The following LPCAT3 variants were observed in gnomAD, a reference collection of about 807,000 sequenced individuals.
The protein encoded by LPCAT3 is lysophosphatidylcholine acyltransferase 3.
Under a neutral mutation model 63.4 loss-of-function variants are expected in LPCAT3, and 21 were observed. That is an observed-to-expected ratio of 0.33 (90% confidence interval 0.23 to 0.48). The LOEUF is 0.48. LPCAT3 is among the 20% of genes least tolerant of loss of function. The pLI is 0.99. For missense variants in LPCAT3, 451 were observed against 590.6 expected (o/e 0.76, Z 2.45); for synonymous variants, 242 against 227.5 (o/e 1.06, Z -0.58).
intron 1 of LPCAT3, among the ~76,000 whole-genome samples, chr12:6,991,232 C>T (rs1166773152): frequency 4.6e-5 from 7 of 152,110 alleles, no homozygotes; most frequent in Non-Finnish European, 1.0e-4. Flanking sequence ...GAAAATCTGG[C>T]TTTACACAGA....
Position 6,983,454 on chromosome 12 carries a change from G to A in LPCAT3, c.237C>T (p.Leu79=). The A allele has an allele frequency of 2.5e-6, 4 of 1,608,486 alleles. No individual in the cohort carries two copies. The highest frequency in any genetic ancestry group is 3.4e-6 in the Non-Finnish European group (4 of 1,175,674). The change falls in exon 2 of 13, where the codon CTC becomes CTT. Residue 79 remains leucine, a synonymous_variant. Transcript: ENST00000261407. ...CACCAAAGTTAAAATAAGCAATTGA[G>A]AGGCCTGTAAAGGTATGGAAGAGGT... ...LIHLFHTFTG[L]SIAYFNFGNQ...
At position 6,979,006 on chromosome 12, in the gene LPCAT3, G is replaced by A. The variant is rs113328686; in HGVS notation, c.787-317C>T. ...GTTAAGTACAGAGGGGCCCATATTGGATTTTAATTTAAGGAGAGAAACCTG... is the reference window on the plus strand; with the variant it reads ...GTTAAGTACAGAGGGGCCCATATTGAATTTTAATTTAAGGAGAGAAACCTG... On this transcript the variant is annotated intron_variant, in intron 7 of 12. Transcript: ENST00000261407. 1.1e-3 allele frequency: 365 copies of A among 325,358 alleles called. 3 individuals carry two copies. Among genetic ancestry groups the A allele is most frequent in the African/African-American group, 6.8e-3 (319 of 46,860 alleles). 20.2% of individuals were successfully genotyped at this position (325,358 alleles called of 1,614,324 possible).
chr12:6,978,112 T>C (rs1946429736), intron 9 of LPCAT3: 2 of 578,480 alleles, frequency 3.5e-6, no homozygotes, highest in African/African-American at 1.9e-5. Context: ...AGAGCTGGAG[T>C]AACACCCAGG....
intron 9 of LPCAT3, 55 bp downstream of exon 9, chr12:6,978,286 T>C (rs1946432384): frequency 5.1e-6 from 8 of 1,556,970 alleles, no homozygotes; most frequent in Non-Finnish European, 7.0e-6. Flanking sequence ...CCCTCCAATC[T>C]GGGAAGACAG....
chr12:6,983,492 T>C lies in LPCAT3; in HGVS notation c.199A>G (p.Thr67Ala), dbSNP rs1591547858. 6.2e-7 allele frequency: 1 copy of C among 1,613,238 alleles called. No individual in the cohort carries two copies. The highest frequency in any genetic ancestry group is 2.2e-5 in the East Asian group (1 of 44,876). Residue 67 changes from threonine to alanine, a missense_variant, in exon 2 of 13, where the codon ACC becomes GCC. Physicochemically the swap from Thr to Ala is moderately conservative, Grantham distance 58. Transcript: ENST00000261407. The part of the protein sequence containing the change: ...FYRHYLFYKE[T>A]YLIHLFHTFT... Reference sequence around the variant, plus strand: ...GTATGGAAGAGGTGGATGAGGTAGGTCTCCTTGTAGAAAAGGTAATGCCGA... The same window carrying C: ...GTATGGAAGAGGTGGATGAGGTAGGCCTCCTTGTAGAAAAGGTAATGCCGA...
chr12:7,018,372 A>T lies in LPCAT3; in HGVS notation c.53T>A (p.Val18Asp). 6.2e-7 allele frequency: 1 copy of T among 1,610,352 alleles called. No homozygotes were observed. The highest frequency in any genetic ancestry group is 1.3e-5 in the African/African-American group (1 of 74,976). The stretch of plus-strand genomic sequence containing the variant: ...CAGCTCCTGGAAACCCGACTGCAGA[A>T]CCCCCGCCAGCGCCACCACAGTCCC... ...DEGTVVALAG[V>D]LQSGFQELSL... The change falls in exon 1 of 13, where the codon GTT (valine) becomes GAT (aspartate). Residue 18 changes from valine to aspartate, a missense_variant. By Grantham distance (152) the Val-to-Asp change is radical. This residue lies in a region of LPCAT3 where 133 missense variants were observed against 152.1 expected (regional missense o/e 0.87). Coordinates refer to ENST00000261407, the MANE Select transcript of LPCAT3 (RefSeq NM_005768.6). This position sits in a 1 kb window ranked among gnomAD's most constrained non-coding sequence, Gnocchi z 4.9.
At chr12:7,015,456 A>C (rs1946791708) in intron 1 of LPCAT3, among the ~76,000 whole-genome samples, 1 of 152,252 alleles carries the variant, frequency 6.6e-6, no homozygotes, top group South Asian at 2.1e-4. Flanking sequence ...TTTCTAGGTT[A>C]CAATACACAG....
intron 2 of LPCAT3, chr12:6,983,223 C>A (rs2138334604): frequency 2.0e-6 from 1 of 494,870 alleles, no homozygotes; most frequent in African/African-American, 2.0e-5. Flanking sequence ...CAAGGGTAAC[C>A]ACCCTCAAAA....
chr12:6,981,471 A>AT, intron 5 of LPCAT3, 124 bp downstream of exon 5: 1 of 971,822 alleles, frequency 1.0e-6, no homozygotes, highest in East Asian at 2.4e-5. Context: ...TGAAAGGGAG[A>AT]TTGCACAGGC....
chr12:6,981,731 A>AGGGGGGGGGGGG, intron 4 of LPCAT3, 80 bp downstream of exon 4: 1 of 210,736 alleles, frequency 4.7e-6, no homozygotes, highest in Non-Finnish European at 8.8e-6. Context: ...CGGGGGGCGG[A>AGGGGGGGGGGGG]GGGGGGGTGC....
At chr12:7,004,120 G>T (rs1417229203) in intron 1 of LPCAT3, among the ~76,000 whole-genome samples, 1 of 152,010 alleles carries the variant, frequency 6.6e-6, no homozygotes, top group Non-Finnish European at 1.5e-5. Flanking sequence ...TAGAAAACCC[G>T]TTTTATGGCT....
Position 6,977,073 on chromosome 12 carries a change from T to C in LPCAT3, c.*12+61A>G. 1 of 1,041,560 alleles carries C rather than the reference T, an allele frequency of 9.6e-7. No homozygotes were observed. Among genetic ancestry groups the C allele is most frequent in the Non-Finnish European group, 1.5e-6 (1 of 670,360 alleles). The allele number at this position is 1,041,560 out of a possible 1,614,324, so 64.5% of individuals were successfully genotyped here. On this transcript the variant is annotated intron_variant, in intron 12 of 12. Coordinates refer to ENST00000261407, the MANE Select transcript of LPCAT3 (RefSeq NM_005768.6). The surrounding 1 kb of genome is among the most constrained non-coding windows in gnomAD (Gnocchi z 4.5). ...CAGATTTCTAATACTATTGTTTTTT[T>C]CCAGTCTGTTGCTCTATTCTGTAAC...
intron 1 of LPCAT3, among the ~76,000 whole-genome samples, chr12:6,994,897 C>T (rs782252877): frequency 9.9e-5 from 15 of 152,260 alleles, no homozygotes; most frequent in Admixed American, 5.2e-4. Context: ...CAGTCTTGGC[C>T]CTCCACTATT....
chr12:6,983,812 T>A lies in LPCAT3; in HGVS notation c.152-273A>T, dbSNP rs782136036. Among the ~76,000 whole-genome samples the A allele has an allele frequency of 1.8e-4, 28 of 152,336 alleles. 1 individual carries two copies. The South Asian group carries it at 1.9e-3, about 10-fold the overall frequency. On this transcript the variant is annotated intron_variant, in intron 1 of 12. Transcript: ENST00000261407. ...TAGGTTTCATTTATAGCTTATGAAC[T>A]ATTGCCAGACATTTTCTCTTACTTG...
chr12:7,012,529 A>G (rs781918522), intron 1 of LPCAT3, among the ~76,000 whole-genome samples: 44 of 152,346 alleles, frequency 2.9e-4, no homozygotes, highest in African/African-American at 1.1e-3. Flanking sequence ...GAAAATCCTT[A>G]ATAAATGCCA....
chr12:7,013,555 G>T (rs1490087120), intron 1 of LPCAT3, among the ~76,000 whole-genome samples: 1 of 152,156 alleles, frequency 6.6e-6, no homozygotes, highest in Admixed American at 6.6e-5. Flanking sequence ...GATAGGATTG[G>T]GTGACTGGGA....
In LPCAT3 at chr12:6,979,091, TC is replaced by T. The variant is rs782379376; in HGVS notation, c.786+379del. The T allele has an allele frequency of 2.3e-4, 69 of 294,712 alleles. 1 individual carries two copies. The highest frequency in any genetic ancestry group is 3.5e-4 in the Non-Finnish European group (55 of 157,514). 18.3% of individuals were successfully genotyped at this position (294,712 alleles called of 1,614,324 possible). ...CTGGGCAGGAGCAAAAGCCAGCACTTCCCCCCTTCCCTTGGTTTCTGAATTC... is the reference window on the plus strand; with the variant it reads ...CTGGGCAGGAGCAAAAGCCAGCACTTCCCCCTTCCCTTGGTTTCTGAATTC... On this transcript the variant is annotated intron_variant, in intron 7 of 12. Coordinates refer to ENST00000261407, the MANE Select transcript of LPCAT3 (RefSeq NM_005768.6).
At position 6,976,396 on chromosome 12, in the gene LPCAT3, G is replaced by A. The variant is rs80129996; in HGVS notation, c.*508C>T. On this transcript the variant is annotated 3_prime_UTR_variant, in exon 13 of 13. Coordinates refer to ENST00000261407, the MANE Select transcript of LPCAT3 (RefSeq NM_005768.6). ...AGGCAATGTGCATGGGGGAATCAGA[G>A]GGGAGATGTGAGCCCCTCTGCTCCT... The A allele has an allele frequency of 6.4e-3, 979 of 153,634 alleles. 8 individuals are homozygous for A. Among genetic ancestry groups the A allele is most frequent in the Non-Finnish European group, 7.5e-3 (519 of 68,758 alleles). 9.5% of individuals were successfully genotyped at this position (153,634 alleles called of 1,614,324 possible).
In LPCAT3 at chr12:6,977,223, GGAA is replaced by G; in HGVS notation, c.1384_1386del (p.Phe462del). On this transcript the variant is annotated inframe_deletion, in exon 12 of 13. Coordinates refer to ENST00000261407, the MANE Select transcript of LPCAT3 (RefSeq NM_005768.6). This position sits in a 1 kb window ranked among gnomAD's most constrained non-coding sequence, Gnocchi z 4.5. ...TAAGGCAATATGAATAGTAGGCTCA[GGAA>G]GAAGATGTGGCCAAGGAAATAGATG... The G allele has an allele frequency of 6.2e-7, 1 of 1,614,024 alleles. No homozygotes were observed. Among genetic ancestry groups the G allele is most frequent in the Non-Finnish European group, 8.5e-7 (1 of 1,179,860 alleles).
Sources: gnomAD v4.1 joint callset for allele counts (sites outside exome capture counted in the v4.1 genomes callset) on GRCh38, gnomAD v4.1.1 for gene constraint, gnomAD v4.1.1 regional missense constraint, Gnocchi (gnomAD v3.1) non-coding constraint, MANE v1.5 for transcripts, NCBI Gene and HGNC (gene_info 2026-07-23, HGNC 2026-07-21) for gene names.